ROCK2: variants seen among roughly 807,000 people sequenced by gnomAD.
The protein encoded by ROCK2 is Rho associated coiled-coil containing protein kinase 2, also known as rho-associated protein kinase 2.
In ROCK2, 61 loss-of-function variants were observed where a neutral mutation model predicts 195.1. That is an observed-to-expected ratio of 0.31 (90% CI 0.25 to 0.39). ROCK2 has a LOEUF of 0.39. ROCK2 is among the 10% of genes least tolerant of loss of function. The pLI is 1.00. For missense variants in ROCK2, 1,109 were observed against 1,637.4 expected, an observed-to-expected ratio of 0.68 and a Z score of 5.57; for synonymous variants, 504 against 545.5, an observed-to-expected ratio of 0.92 and a Z score of 1.06.
intron 1 of ROCK2, among the ~76,000 whole-genome samples, chr2:11,311,766 T>TGC (rs1303273815): frequency 6.7e-6 from 1 of 149,288 alleles, no homozygotes; most frequent in Non-Finnish European, 1.5e-5. Flanking sequence ...CACACGCGCG[T>TGC]GCACACACAC....
At chr2:11,211,559 T>C (rs996553629) in intron 18 of ROCK2, 122 bp downstream of exon 18, 2 of 883,262 alleles carry the variant, frequency 2.3e-6, no homozygotes, top group Admixed American at 2.8e-5. Context: ...ATAGTTTTTT[T>C]CCCTCCAATT....
intron 28 of ROCK2, 49 bp from the exon 29 acceptor site, chr2:11,194,393 C>T (rs1217262190): frequency 2.9e-6 from 2 of 687,620 alleles, no homozygotes; most frequent in South Asian, 3.1e-5. Context: ...TTTTATATAC[C>T]TTATTTATTG....
In ROCK2 at chr2:11,295,989, AGGAGAGAGAGAGAGAG is replaced by A. The variant is rs1558369657; in HGVS notation, c.142-8269_142-8254del. Among the ~76,000 whole-genome samples the A allele has an allele frequency of 2.9e-3, 69 of 23,432 alleles. 5 individuals are homozygous for A. The highest frequency in any genetic ancestry group is 0.013 in the South Asian group (6 of 462). 15.4% of individuals were successfully genotyped at this position (23,432 alleles called of 152,430 possible). On this transcript the variant is annotated intron_variant, in intron 1 of 32. Transcript: ENST00000315872. Reference sequence around the variant, plus strand: ...AAAAGAGAGAGAGAGAGAGAGAGAGAGGAGAGAGAGAGAGAGGAGAGAGAGAGAGAGAGAGAGAGAG... The same window carrying A: ...AAAAGAGAGAGAGAGAGAGAGAGAGAGAGAGAGAGAGAGAGAGAGAGAGAG...
At chr2:11,298,483 A>AG (rs1425210324) in intron 1 of ROCK2, among the ~76,000 whole-genome samples, 1 of 151,632 alleles carries the variant, frequency 6.6e-6, no homozygotes, top group Non-Finnish European at 1.5e-5. Context: ...AAAAAAAAAA[A>AG]AAAAAAAAAC....
At chr2:11,283,143 T>G (rs1222555150) in intron 3 of ROCK2, among the ~76,000 whole-genome samples, 2 of 151,904 alleles carry the variant, frequency 1.3e-5, no homozygotes, top group Non-Finnish European at 2.9e-5. Context: ...GGCAAGTGCC[T>G]GTAATCCCAG....
rs11413362 is a variant in ROCK2, at chr2:11,295,966, A to AAGAGAGAG, written c.142-8238_142-8231dup. On this transcript the variant is annotated intron_variant, in intron 1 of 32. Coordinates refer to ENST00000315872, the MANE Select transcript of ROCK2 (RefSeq NM_004850.5). ...AGCGAGATTCCATCTCAAAAAACAA[A>AAGAGAGAG]AGAGAGAGAGAGAGAGAGAGAGAGG... Among the ~76,000 whole-genome samples the AAGAGAGAG allele has an allele frequency of 6.6e-3, 514 of 77,744 alleles. 20 individuals carry two copies. The highest frequency in any genetic ancestry group is 0.03 in the Admixed American group (180 of 6,028). The allele number at this position is 77,744 out of a possible 152,430, so 51.0% of individuals were successfully genotyped here.
At chr2:11,242,186 G>A (rs960388875) in intron 4 of ROCK2, among the ~76,000 whole-genome samples, 1 of 152,114 alleles carries the variant, frequency 6.6e-6, no homozygotes, top group Non-Finnish European at 1.5e-5. Context: ...AATGGACCAT[G>A]ATAGGACAGA....
At chr2:11,287,529 CAA>C in intron 2 of ROCK2, 124 bp downstream of exon 2, 1 of 369,860 alleles carries the variant, frequency 2.7e-6, no homozygotes, top group Non-Finnish European at 5.0e-6. Flanking sequence ...AAATGGTAAG[CAA>C]AAGACTTAAG....
intron 1 of ROCK2, among the ~76,000 whole-genome samples, chr2:11,335,319 G>A (rs12622447): frequency 0.25 from 37,475 of 152,046 alleles, 5,351 homozygotes; most frequent in East Asian, 0.54. Context: ...GTACAGATGA[G>A]AGGAAAGAAA....
intron 1 of ROCK2, among the ~76,000 whole-genome samples, chr2:11,297,801 CT>C (rs772101137): frequency 6.6e-5 from 10 of 152,072 alleles, no homozygotes; most frequent in Admixed American, 2.0e-4. Flanking sequence ...CTCTGAGTAC[CT>C]TTATGAACAA....
intron 3 of ROCK2, among the ~76,000 whole-genome samples, chr2:11,250,947 C>T (rs1416536365): frequency 6.6e-6 from 1 of 152,156 alleles, no homozygotes; most frequent in Non-Finnish European, 1.5e-5. Flanking sequence ...TGCATGTTCC[C>T]TCTGCCTGGA....
At chr2:11,325,745 C>A (rs184221864) in intron 1 of ROCK2, among the ~76,000 whole-genome samples, 199 of 152,144 alleles carry the variant, frequency 1.3e-3, no homozygotes, top group African/African-American at 4.6e-3. Context: ...ATTAGTCTGG[C>A]TGGAGAGTAG....
At chr2:11,227,524 C>T in intron 5 of ROCK2, 126 bp from the exon 6 acceptor site, 1 of 767,168 alleles carries the variant, frequency 1.3e-6, no homozygotes, top group South Asian at 2.4e-5. Flanking sequence ...AACTTCACTG[C>T]TGACATGACT....
chr2:11,334,342 C>G (rs1157146317), intron 1 of ROCK2, among the ~76,000 whole-genome samples: 1 of 151,904 alleles, frequency 6.6e-6, no homozygotes, highest in East Asian at 1.9e-4. Context: ...GAAACCTCAT[C>G]TCTACTAAAA....
At chr2:11,226,361 GTC>G (rs1664811160) in intron 6 of ROCK2, among the ~76,000 whole-genome samples, 1 of 152,080 alleles carries the variant, frequency 6.6e-6, no homozygotes, top group Non-Finnish European at 1.5e-5. Flanking sequence ...AACTAAATCT[GTC>G]TCTGAGTTTT....
intron 3 of ROCK2, among the ~76,000 whole-genome samples, chr2:11,271,913 G>A (rs1572342351): frequency 1.3e-5 from 2 of 151,718 alleles, no homozygotes; most frequent in African/African-American, 4.8e-5. Flanking sequence ...CCAGCTACTC[G>A]GGAGGCTGAG....
intron 3 of ROCK2, among the ~76,000 whole-genome samples, chr2:11,258,831 G>A (rs1666125759): frequency 6.6e-6 from 1 of 151,054 alleles, no homozygotes; most frequent in African/African-American, 2.5e-5. Context: ...AGAACCCAAG[G>A]GGTAAAGAGG....
chr2:11,188,267 G>A (rs1418176417), intron 32 of ROCK2, among the ~76,000 whole-genome samples: 3 of 151,818 alleles, frequency 2.0e-5, no homozygotes, highest in African/African-American at 4.8e-5. Flanking sequence ...CTGACACCAC[G>A]CCTGGCTAAT....
chr2:11,211,910 T>C, intron 17 of ROCK2, 70 bp from the exon 18 acceptor site: 1 of 953,922 alleles, frequency 1.0e-6, no homozygotes, highest in Non-Finnish European at 1.4e-6. Context: ...GCTTTCTAAT[T>C]TTTTTTTTTT....
Sources: allele counts gnomAD v4.1 joint callset (sites outside exome capture counted in the v4.1 genomes callset), GRCh38; gene constraint gnomAD v4.1.1; transcripts MANE v1.5; gene names NCBI Gene and HGNC (gene_info 2026-07-23, HGNC 2026-07-21).